The following UGT2B28 variants were observed in gnomAD, a reference collection of about 807,000 sequenced individuals.
The protein encoded by UGT2B28 is UDP-glucuronosyltransferase 2B28.
In UGT2B28, 45 loss-of-function variants were observed where a neutral mutation model predicts 43.6. The ratio of observed to expected loss-of-function variants is 1.03; its 90% CI spans 0.81 to 1.32. The LOEUF (loss-of-function observed/expected upper bound fraction) is 1.32, where lower values mean the gene tolerates loss of function less well. Ranked by LOEUF, UGT2B28 falls within the 40% of genes most tolerant of loss-of-function variation. The pLI is 0.00. For missense variants in UGT2B28, 649 were observed against 625.5 expected (o/e 1.04, Z -0.40); for synonymous variants, 204 against 208.1 (o/e 0.98, Z 0.17).
chr4:69,281,005 G>A lies in UGT2B28; in HGVS notation c.505G>A (p.Val169Met). 1 of 1,559,786 alleles carries A rather than the reference G, an allele frequency of 6.4e-7. No homozygotes were observed. The highest frequency in any genetic ancestry group is 1.2e-5 in the South Asian group (1 of 84,286). Residue 169 changes from valine to methionine, a missense_variant, in exon 1 of 6, where the codon GTG becomes ATG. Coordinates refer to ENST00000335568, the MANE Select transcript of UGT2B28 (RefSeq NM_053039.2). Reference sequence around the variant, plus strand: ...GGCTGCGCTACTTAACATACCGTTTGTGTACAGTCTCTGCTTCACTCCTGG... The same window carrying A: ...GGCTGCGCTACTTAACATACCGTTTATGTACAGTCTCTGCTTCACTCCTGG... The part of the protein sequence containing the change: ...LLAALLNIPF[V>M]YSLCFTPGYT...
chr4:69,282,680 G>A lies in UGT2B28; in HGVS notation c.870+18G>A, dbSNP rs1238531724. 5 of 1,538,092 alleles carry A rather than the reference G, an allele frequency of 3.3e-6. 1 individual carries two copies. In the African/African-American group the frequency reaches 4.7e-5, roughly 14 times the overall value. On this transcript the variant is annotated intron_variant, in intron 2 of 5. Transcript: ENST00000335568. The stretch of plus-strand genomic sequence containing the variant: ...TACCTAAGGTAAACATACTTTCGTT[G>A]GTTTTATTTTGTTGGCTTCGAAGTT...
At position 69,290,034 on chromosome 4, in the gene UGT2B28, C is replaced by T. The variant is rs1014500263; in HGVS notation, c.1090+282C>T. ...ATCTTCCTGGGCTGTCTCTCCGTCT[C>T]CTGTTTCTACAACTTTACACCTGTT... On this transcript the variant is annotated intron_variant, in intron 4 of 5. Coordinates refer to ENST00000335568, the MANE Select transcript of UGT2B28 (RefSeq NM_053039.2). 1.4e-4 allele frequency among the ~76,000 whole-genome samples: 19 copies of T among 140,244 alleles called. 4 individuals carry two copies. The highest frequency in any genetic ancestry group is 7.2e-5 in the Admixed American group (1 of 13,964). The allele number at this position is 140,244 out of a possible 152,430, so 92.0% of individuals were successfully genotyped here.
At chr4:69,290,965 T>C (rs1723938950) in intron 5 of UGT2B28, among the ~76,000 whole-genome samples, 154 bp downstream of exon 5, 1 of 140,698 alleles carries the variant, frequency 7.1e-6, no homozygotes, top group South Asian at 2.4e-4. Flanking sequence ...TTATCTGTTA[T>C]TTAAAAATTG....
rs1322852290 is a variant in UGT2B28, at chr4:69,292,759, G to A, written c.1311-1771G>A. Among the ~76,000 whole-genome samples, 14 of 138,930 alleles carry A rather than the reference G, an allele frequency of 1.0e-4. 3 individuals carry two copies. The Admixed American group carries it at 1.0e-3, about 10-fold the overall frequency. 91.1% of individuals were successfully genotyped at this position (138,930 alleles called of 152,430 possible). On this transcript the variant is annotated intron_variant, in intron 5 of 5. Coordinates refer to ENST00000335568, the MANE Select transcript of UGT2B28 (RefSeq NM_053039.2). ...GTGGTGGGCAATAAATCAAGACTTA[G>A]GAAATATAAAAAGATTCAATATCAT...
chr4:69,284,310 G>A (rs1000114389), intron 2 of UGT2B28, among the ~76,000 whole-genome samples: 2 of 140,412 alleles, frequency 1.4e-5, no homozygotes, highest in Admixed American at 7.1e-5. Context: ...TGAAGGAACA[G>A]AAAAATCTCA....
chr4:69,282,780 G>T, intron 2 of UGT2B28, 118 bp downstream of exon 2: 1 of 1,400,204 alleles, frequency 7.1e-7, no homozygotes, highest in Non-Finnish European at 9.4e-7. Flanking sequence ...AGTAGGTGGT[G>T]TAAAGCAGAT....
Position 69,282,516 on chromosome 4 carries a change from A to G in UGT2B28, c.724A>G (p.Arg242Gly), listed in dbSNP as rs780723962. 5 of 1,541,270 alleles carry G rather than the reference A, an allele frequency of 3.2e-6. No homozygotes were observed. The East Asian group carries it at 1.2e-4, about 36-fold the overall frequency. ...WDQFYSEVLG[R>G]PTTLFETMGK... Reference sequence around the variant, plus strand: ...TTTCTTTTCTTTATTCCTGTCAGGAAGACCCACTACCTTATTTGAGACAAT... The same window carrying G: ...TTTCTTTTCTTTATTCCTGTCAGGAGGACCCACTACCTTATTTGAGACAAT... Residue 242 changes from arginine to glycine, a missense_variant and splice_region_variant, in exon 2 of 6, where the codon AGA (arginine) becomes GGA (glycine). By Grantham distance (125) the Arg-to-Gly change is moderately radical (BLOSUM62 -2). Transcript: ENST00000335568.
Position 69,282,627 on chromosome 4 carries a change from G to A in UGT2B28, c.835G>A (p.Gly279Arg), listed in dbSNP as rs1723651112. Reference protein sequence around the residue: ...PFLPNIDFVGGLHCKPAKPLP... With the variant: ...PFLPNIDFVGRLHCKPAKPLP... ...CTTACCAAACATTGATTTTGTTGGA[G>A]GACTCCACTGCAAACCTGCCAAACC... The change falls in exon 2 of 6, where the codon GGA (glycine) becomes AGA (arginine). Residue 279 changes from glycine to arginine, a missense_variant. Physicochemically the swap from Gly to Arg is moderately radical, Grantham distance 125. Coordinates refer to ENST00000335568, the MANE Select transcript of UGT2B28 (RefSeq NM_053039.2). The A allele has an allele frequency of 2.6e-6, 4 of 1,552,764 alleles. No homozygotes were observed. Among genetic ancestry groups the A allele is most frequent in the East Asian group, 4.6e-5 (2 of 43,168 alleles).
intron 5 of UGT2B28, among the ~76,000 whole-genome samples, chr4:69,291,832 T>C (rs953971400): frequency 7.1e-6 from 1 of 140,614 alleles, no homozygotes; most frequent in Non-Finnish European, 1.5e-5. Context: ...ATCACTACCA[T>C]CAGCAGTACA....
At chr4:69,286,628 A>C in intron 2 of UGT2B28, 124 bp from the exon 3 acceptor site, 1 of 1,331,252 alleles carries the variant, frequency 7.5e-7, no homozygotes, top group Non-Finnish European at 9.9e-7. Context: ...TCAGTTAAAA[A>C]ATATTATTTA....
chr4:69,285,732 G>A (rs577876345), intron 2 of UGT2B28, among the ~76,000 whole-genome samples: 3 of 140,872 alleles, frequency 2.1e-5, no homozygotes, highest in Admixed American at 2.1e-4. Context: ...TTAAATATCG[G>A]TATACATTGG....
chr4:69,291,371 A>T (rs1723950370), intron 5 of UGT2B28, among the ~76,000 whole-genome samples: 1 of 140,526 alleles, frequency 7.1e-6, no homozygotes, highest in Non-Finnish European at 1.5e-5. Context: ...AACTGCAATG[A>T]CACCAAAATC....
At chr4:69,292,212 T>A (rs927286359) in intron 5 of UGT2B28, among the ~76,000 whole-genome samples, 6 of 140,406 alleles carry the variant, frequency 4.3e-5, no homozygotes, top group African/African-American at 1.7e-4. Flanking sequence ...AATTTTAAGT[T>A]AAAGTTTTAA....
At position 69,289,761 on chromosome 4, in the gene UGT2B28, C is replaced by T. The variant is rs773002646; in HGVS notation, c.1090+9C>T. 6 of 1,533,992 alleles carry T rather than the reference C, an allele frequency of 3.9e-6. No individual in the cohort carries two copies. The highest frequency in any genetic ancestry group is 3.7e-5 in the Admixed American group (2 of 53,534). Reference sequence around the variant, plus strand: ...CCAGAATGACCTTCTAGGTAACACTCTGGTGAACAAATACTGGATATATTA... The same window carrying T: ...CCAGAATGACCTTCTAGGTAACACTTTGGTGAACAAATACTGGATATATTA... On this transcript the variant is annotated intron_variant, in intron 4 of 5. Transcript: ENST00000335568.
intron 2 of UGT2B28, 35 bp downstream of exon 2, chr4:69,282,697 T>C (rs755610081): frequency 6.5e-7 from 1 of 1,533,962 alleles, no homozygotes; most frequent in East Asian, 2.3e-5. Flanking sequence ...TTTTGTTGGC[T>C]TCGAAGTTTC....
Position 69,292,999 on chromosome 4 carries a change from C to A in UGT2B28, c.1311-1531C>A, listed in dbSNP as rs1175824332. 3.6e-5 allele frequency among the ~76,000 whole-genome samples: 5 copies of A among 140,198 alleles called. 1 individual carries two copies. Among genetic ancestry groups the A allele is most frequent in the African/African-American group, 5.6e-5 (2 of 35,948 alleles). The allele number at this position is 140,198 out of a possible 152,430, so 92.0% of individuals were successfully genotyped here. A position where few individuals can be genotyped will look rare whatever the true frequency, so the allele number is the denominator to read the frequency against. On this transcript the variant is annotated intron_variant, in intron 5 of 5. Transcript: ENST00000335568. ...AATATATAAATCTAATGCTGTATAGCAGAGTGTTCATGAGAGAATTATCAA... is the reference window on the plus strand; with the variant it reads ...AATATATAAATCTAATGCTGTATAGAAGAGTGTTCATGAGAGAATTATCAA...
In UGT2B28 at chr4:69,283,924, C is replaced by T. The variant is rs1345064949; in HGVS notation, c.870+1262C>T. On this transcript the variant is annotated intron_variant, in intron 2 of 5. Coordinates refer to ENST00000335568, the MANE Select transcript of UGT2B28 (RefSeq NM_053039.2). ...AAATTCTACCGTAAGTAATAAGGAT[C>T]TTCACTAGTATTCGAGCATAAAACA... is the stretch of plus-strand genomic sequence containing the variant. 3.6e-5 allele frequency among the ~76,000 whole-genome samples: 5 copies of T among 140,692 alleles called. 1 individual carries two copies. Among genetic ancestry groups the T allele is most frequent in the Admixed American group, 7.1e-5 (1 of 14,076 alleles). 92.3% of individuals were successfully genotyped at this position (140,692 alleles called of 152,430 possible). A position where few individuals can be genotyped will look rare whatever the true frequency, so the allele number is the denominator to read the frequency against.
intron 2 of UGT2B28, among the ~76,000 whole-genome samples, chr4:69,283,310 C>A: frequency 7.2e-6 from 1 of 139,168 alleles, no homozygotes; most frequent in Non-Finnish European, 1.5e-5. Context: ...CTAGATCATA[C>A]TAAGAGGTAA....
At chr4:69,282,732 A>G (rs1723654862) in intron 2 of UGT2B28, 70 bp downstream of exon 2, 1 of 1,496,892 alleles carries the variant, frequency 6.7e-7, no homozygotes, top group Non-Finnish European at 8.8e-7. Flanking sequence ...TATAGCCTTC[A>G]TTCAAAATGT....
Sources: allele counts gnomAD v4.1 joint callset (sites outside exome capture counted in the v4.1 genomes callset), GRCh38; gene constraint gnomAD v4.1.1; transcripts MANE v1.5; gene names NCBI Gene and HGNC (gene_info 2026-07-23, HGNC 2026-07-21).